The following NME9 variants were observed in gnomAD, a reference collection of about 807,000 sequenced individuals.
The protein encoded by NME9 is NME/NM23 family member 9.
In NME9, 48 loss-of-function variants were observed where a neutral mutation model predicts 44.4. The ratio of observed to expected loss-of-function variants is 1.08; its 90% CI spans 0.86 to 1.37. NME9 has a LOEUF of 1.37. Ranked by LOEUF, NME9 falls within the 40% of genes most tolerant of loss-of-function variation. The pLI is 0.00. For synonymous variants in NME9, 139 were observed against 147.1 expected (o/e 0.94, Z 0.40); for missense variants, 325 against 405.2 (o/e 0.80, Z 1.70).
At chr3:138,315,426 C>T (rs1017279723) in intron 5 of NME9, 101 bp downstream of exon 5, 18 of 751,824 alleles carry the variant, frequency 2.4e-5, no homozygotes, top group Non-Finnish European at 3.5e-5. Context: ...AGCTGTCCAC[C>T]GACAGCTCCA....
At chr3:138,287,715 G>A in intron 8 of NME9, 1 of 456,540 alleles carries the variant, frequency 2.2e-6, no homozygotes, top group South Asian at 1.5e-5. Flanking sequence ...ACTGGAGGAA[G>A]CCACATCCAT....
intron 8 of NME9, chr3:138,262,597 T>TA (rs748034610): frequency 0.042 from 55,802 of 1,315,900 alleles, 1 homozygote; most frequent in South Asian, 0.051. Context: ...CTGAGGAGAT[T>TA]AAAAAAAAAA....
rs1384179832 is a variant in NME9, at chr3:138,306,385, T to A, written c.543+13A>T. The A allele has an allele frequency of 6.4e-7, 1 of 1,572,118 alleles. No homozygotes were observed. The highest frequency in any genetic ancestry group is 1.3e-5 in the African/African-American group (1 of 74,080). On this transcript the variant is annotated intron_variant, in intron 7 of 10. Coordinates refer to ENST00000333911, the MANE Select transcript of NME9 (RefSeq NM_001349018.2). ...CAAGGACAGTGGTGCATGGTAAGTG[T>A]TGTCTCTCTTACCTTCATGATAATC...
intron 8 of NME9, among the ~76,000 whole-genome samples, chr3:138,268,551 C>T (rs77657600): frequency 1.3e-5 from 2 of 152,104 alleles, no homozygotes; most frequent in African/African-American, 2.4e-5. Context: ...ATCACTAATA[C>T]GATTTTTTTA....
In NME9 at chr3:138,314,357, C is replaced by T; in HGVS notation, c.435G>A (p.Lys145=). ...CCATGTCCTCATCTTCACCATTATTCTTTCCATGGGAAACACATTCATCTT... is the reference window on the plus strand; with the variant it reads ...CCATGTCCTCATCTTCACCATTATTTTTTCCATGGGAAACACATTCATCTT... ...SDEDECVSHG[K]NNGEDEDMVS... Residue 145 remains lysine, a synonymous_variant, in exon 6 of 11, where the codon AAG becomes AAA. Coordinates refer to ENST00000333911, the MANE Select transcript of NME9 (RefSeq NM_001349018.2). The T allele has an allele frequency of 6.2e-7, 1 of 1,609,096 alleles. No individual in the cohort carries two copies. Among genetic ancestry groups the T allele is most frequent in the Non-Finnish European group, 8.5e-7 (1 of 1,176,210 alleles).
chr3:138,315,493 G>A, intron 5 of NME9, 34 bp downstream of exon 5: 1 of 1,428,848 alleles, frequency 7.0e-7, no homozygotes, highest in South Asian at 1.2e-5. Flanking sequence ...GCGCACTTGT[G>A]AGTTAGCTGC....
chr3:138,315,637 C>T lies in NME9; in HGVS notation c.274G>A (p.Glu92Lys), dbSNP rs1208022495. 6.5e-7 allele frequency: 1 copy of T among 1,534,894 alleles called. No individual in the cohort carries two copies. Among genetic ancestry groups the T allele is most frequent in the African/African-American group, 1.4e-5 (1 of 73,104 alleles). Residue 92 changes from glutamate (E) to lysine (K), a missense_variant, in exon 5 of 11, where the codon GAA becomes AAA. Transcript: ENST00000333911. ...EPTFLFYAGG[E>K]LVAVVRGANA... ...GCTCCTCTAACCACAGCCACCAGTT[C>T]TCCTCCCTAGAATACGTTACAAACA...
intron 8 of NME9, among the ~76,000 whole-genome samples, chr3:138,291,137 A>G (rs1173737824): frequency 6.6e-6 from 1 of 152,236 alleles, no homozygotes; most frequent in Non-Finnish European, 1.5e-5. Flanking sequence ...CAAAATAGCC[A>G]TAAATGCTCT....
chr3:138,302,155 C>T (rs2051893181), intron 10 of NME9, among the ~76,000 whole-genome samples: 1 of 152,142 alleles, frequency 6.6e-6, no homozygotes, highest in Non-Finnish European at 1.5e-5. Flanking sequence ...GTGCTAACTA[C>T]AGTGGAGGCA....
intron 8 of NME9, chr3:138,274,298 A>G (rs1381436258): frequency 1.7e-6 from 1 of 584,032 alleles, no homozygotes; most frequent in South Asian, 2.1e-5. Context: ...TTCAAAATAT[A>G]ATAAACACTG....
intron 6 of NME9, among the ~76,000 whole-genome samples, chr3:138,307,172 T>C (rs1163052083): frequency 5.9e-5 from 9 of 152,242 alleles, no homozygotes; most frequent in African/African-American, 1.9e-4. Context: ...TCATTGGTTT[T>C]AGCCAAGGTA....
rs538505975 is a variant in NME9 at position 138,301,555 on chromosome 3, C to A, written c.*85G>T. 1.3e-5 allele frequency: 20 copies of A among 1,515,340 alleles called. No homozygotes were observed. In the South Asian group the frequency reaches 2.1e-4, roughly 16 times the overall value. 93.9% of individuals were successfully genotyped at this position (1,515,340 alleles called of 1,614,324 possible). ...ACAGCTAAACCAAAAAGTATTGGTA[C>A]TCAAAAGAGTAAGTTCCGATTCCGG... On this transcript the variant is annotated 3_prime_UTR_variant, in exon 11 of 11. Coordinates refer to ENST00000333911, the MANE Select transcript of NME9 (RefSeq NM_001349018.2).
chr3:138,273,194 T>A, intron 8 of NME9: 1 of 1,385,490 alleles, frequency 7.2e-7, no homozygotes, highest in Non-Finnish European at 9.8e-7. Flanking sequence ...CTCTGTGCTC[T>A]CATTAACATC....
Position 138,304,888 on chromosome 3 carries a change from C to T in NME9, c.776G>A (p.Arg259Lys), listed in dbSNP as rs768641070. Residue 259 changes from arginine to lysine, a missense_variant, in exon 9 of 11, where the codon AGG (arginine) becomes AAG (lysine). Arg to Lys is a conservative substitution (Grantham distance 26). Transcript: ENST00000333911. ...MGPRDPNVARREQPESLRAQY... is the reference protein window; with the variant it reads ...MGPRDPNVARKEQPESLRAQY... ...GTGACATCACCTTTCTGGCTGCTCC[C>T]TCCTGGCCACATTGGGGTCACGGGG... The T allele has an allele frequency of 1.1e-5, 17 of 1,614,126 alleles. No individual in the cohort carries two copies. The highest frequency in any genetic ancestry group is 1.7e-5 in the Admixed American group (1 of 60,022).
At chr3:138,267,026 C>T (rs1356284155) in intron 8 of NME9, 1 of 558,646 alleles carries the variant, frequency 1.8e-6, no homozygotes, top group South Asian at 3.0e-5. Context: ...TGGATTCTTC[C>T]TATCTCTCCA....
At chr3:138,274,077 C>G (rs1215006308) in intron 8 of NME9, among the ~76,000 whole-genome samples, 1 of 152,200 alleles carries the variant, frequency 6.6e-6, no homozygotes, top group Non-Finnish European at 1.5e-5. Flanking sequence ...CTCGGCCCCC[C>G]AAAGTGCTGG....
At chr3:138,267,855 T>C (rs1198824307) in intron 8 of NME9, among the ~76,000 whole-genome samples, 1 of 152,252 alleles carries the variant, frequency 6.6e-6, no homozygotes, top group Non-Finnish European at 1.5e-5. Context: ...CTCAGGTTTA[T>C]TGTGCATTTA....
intron 8 of NME9, among the ~76,000 whole-genome samples, chr3:138,292,627 A>G (rs1207977831): frequency 6.6e-6 from 1 of 152,172 alleles, no homozygotes; most frequent in Non-Finnish European, 1.5e-5. Flanking sequence ...CCATATACCA[A>G]GATGGTGAGG....
At chr3:138,269,283 TC>T (rs1441891182) in intron 8 of NME9, among the ~76,000 whole-genome samples, 2 of 152,232 alleles carry the variant, frequency 1.3e-5, no homozygotes, top group Non-Finnish European at 2.9e-5. Context: ...GTTTCTATAA[TC>T]CTCTTGACAA....
Sources: gnomAD v4.1 joint callset for allele counts (sites outside exome capture counted in the v4.1 genomes callset) on GRCh38, gnomAD v4.1.1 for gene constraint, MANE v1.5 for transcripts, NCBI Gene and HGNC (gene_info 2026-07-23, HGNC 2026-07-21) for gene names.